The following UBA6 variants were observed in gnomAD, a reference collection of about 807,000 sequenced individuals.
UBA6 encodes ubiquitin-like modifier-activating enzyme 6.
In UBA6, 87 loss-of-function variants were observed where a neutral mutation model predicts 148.3. The ratio of observed to expected loss-of-function variants is 0.59; its 90% CI spans 0.49 to 0.70. The LOEUF (loss-of-function observed/expected upper bound fraction) is 0.70. UBA6 is among the 30% of genes least tolerant of loss of function. The pLI, the probability that UBA6 is intolerant of heterozygous loss-of-function variation, is 0.00. For synonymous variants in UBA6, 376 were observed against 401.0 expected, an observed-to-expected ratio of 0.94 and a Z score of 0.75; for missense variants, 1,186 against 1,241.2, an observed-to-expected ratio of 0.96 and a Z score of 0.67.
At chr4:67,624,332 C>T (rs751817793) in intron 29 of UBA6, 79 bp from the exon 30 acceptor site, 57 of 1,342,434 alleles carry the variant, frequency 4.2e-5, no homozygotes, top group East Asian at 1.2e-4. Context: ...TCAACTTTCA[C>T]GTTTTCAAGC....
At chr4:67,620,596 T>C (rs1237328184) in intron 32 of UBA6, among the ~76,000 whole-genome samples, 1 of 152,076 alleles carries the variant, frequency 6.6e-6, no homozygotes, top group African/African-American at 2.4e-5. Context: ...AGCTGGAATA[T>C]TGTGAGGGCA....
In UBA6 at chr4:67,641,164, G is replaced by A. The variant is rs767635809; in HGVS notation, c.1541C>T (p.Pro514Leu). The stretch of plus-strand genomic sequence containing the variant: ...ATAGCAACATACCTGTATGTGATGA[G>A]GACGAAATAGGAACTGTCTATTTAA... ...SNLNRQFLFR[P>L]HHIQKPKSYT... Residue 514 changes from proline (P) to leucine (L), a missense_variant, in exon 18 of 33, where the codon CCT becomes CTT. Pro to Leu is a moderately conservative substitution (Grantham distance 98). Transcript: ENST00000322244. The A allele has an allele frequency of 1.3e-6, 2 of 1,594,090 alleles. No individual in the cohort carries two copies. Among genetic ancestry groups the A allele is most frequent in the South Asian group, 1.1e-5 (1 of 87,964 alleles).
Position 67,645,935 on chromosome 4 carries a change from T to C in UBA6, c.1395+3A>G. ...TACTATTCCCATGATTATTGATACT[T>C]ACTAAGAAGATGTTTAAATTTTGCA... is the stretch of plus-strand genomic sequence containing the variant. On this transcript the variant is annotated splice_donor_region_variant and intron_variant, in intron 16 of 32. Coordinates refer to ENST00000322244, the MANE Select transcript of UBA6 (RefSeq NM_018227.6). 2 of 1,564,472 alleles carry C rather than the reference T, an allele frequency of 1.3e-6. No homozygotes were observed. The highest frequency in any genetic ancestry group is 1.2e-5 in the South Asian group (1 of 86,274).
chr4:67,663,754 T>C, intron 11 of UBA6, 131 bp downstream of exon 11: 1 of 706,946 alleles, frequency 1.4e-6, no homozygotes, highest in Middle Eastern at 2.4e-4. Flanking sequence ...AGTATAACCT[T>C]TATTATACTC....
chr4:67,671,438 G>T (rs1730145866), intron 7 of UBA6, among the ~76,000 whole-genome samples: 1 of 143,808 alleles, frequency 7.0e-6, no homozygotes, highest in Non-Finnish European at 1.5e-5. Context: ...GATACATATA[G>T]CTTTTTTTTT....
rs752794407 is a variant in UBA6 at position 67,663,154 on chromosome 4, C to A, written c.1022G>T (p.Arg341Leu). ...AAAACATTACCCAACATTTGGCTTG[C>A]GACTGTATTTCTCCTGAAACTGGTC... Reference protein sequence around the residue: ...ALDQFQEKYSRKPNVGCQQDS... With the variant: ...ALDQFQEKYSLKPNVGCQQDS... The change falls in exon 12 of 33, where the codon CGC (arginine) becomes CTC (leucine). Residue 341 changes from arginine to leucine, a missense_variant. Transcript: ENST00000322244. 1 of 1,610,082 alleles carries A rather than the reference C, an allele frequency of 6.2e-7. No individual in the cohort carries two copies. Among genetic ancestry groups the A allele is most frequent in the Non-Finnish European group, 8.5e-7 (1 of 1,178,330 alleles).
chr4:67,637,165 C>T (rs1390998351), intron 19 of UBA6, among the ~76,000 whole-genome samples: 5 of 151,698 alleles, frequency 3.3e-5, no homozygotes, highest in Non-Finnish European at 5.9e-5. Flanking sequence ...GCAGCCGCCC[C>T]GTCCGGGAGG....
In UBA6 at chr4:67,665,290, T is replaced by C; in HGVS notation, c.796A>G (p.Ile266Val). 6.3e-7 allele frequency: 1 copy of C among 1,578,900 alleles called. No homozygotes were observed. Among genetic ancestry groups the C allele is most frequent in the African/African-American group, 1.4e-5 (1 of 72,846 alleles). ...CCAATACTAAAAGAAAATGGCGATA[T>C]CACTAGAAGACAAAAAATTTAAAAA... ...LNGSIQQITV[I>V]SPFSFSIGDT... Residue 266 changes from isoleucine to valine, a missense_variant and splice_region_variant, in exon 10 of 33, where the codon ATA becomes GTA. Transcript: ENST00000322244.
At chr4:67,664,951 T>C (rs1034350694) in intron 10 of UBA6, among the ~76,000 whole-genome samples, 2 of 152,142 alleles carry the variant, frequency 1.3e-5, no homozygotes, top group Non-Finnish European at 2.9e-5. Context: ...AGCTCAACTA[T>C]ATGTATATGG....
chr4:67,627,956 A>G (rs1728909183), intron 27 of UBA6, among the ~76,000 whole-genome samples: 1 of 142,384 alleles, frequency 7.0e-6, no homozygotes, highest in Non-Finnish European at 1.5e-5. Flanking sequence ...TTTTTTTTCA[A>G]TGTATTTGCC....
chr4:67,665,204 A>G lies in UBA6; in HGVS notation c.882T>C (p.Pro294=), dbSNP rs1252480527. The change falls in exon 10 of 33, where the codon CCT becomes CCC. Residue 294 remains proline, a synonymous_variant. Transcript: ENST00000322244. ...HGGIAVQVKT[P]KTVFFESLER... is the part of the protein sequence containing the mutation. Reference sequence around the variant, plus strand: ...AAATACTTACAAAAAAAACTGTTTTAGGAGTCTTAACTTGGACAGCTATGC... The same window carrying G: ...AAATACTTACAAAAAAAACTGTTTTGGGAGTCTTAACTTGGACAGCTATGC... 1.9e-6 allele frequency: 3 copies of G among 1,589,068 alleles called. No individual in the cohort carries two copies. Among genetic ancestry groups the G allele is most frequent in the African/African-American group, 2.7e-5 (2 of 73,402 alleles).
chr4:67,649,875 A>G (rs556945534), intron 13 of UBA6, among the ~76,000 whole-genome samples: 228 of 152,270 alleles, frequency 1.5e-3, no homozygotes, highest in African/African-American at 5.1e-3. Flanking sequence ...TTTAAACATT[A>G]GTAATCTTAA....
At chr4:67,625,502 C>T (rs1419599838) in intron 28 of UBA6, among the ~76,000 whole-genome samples, 1 of 151,668 alleles carries the variant, frequency 6.6e-6, no homozygotes, top group Non-Finnish European at 1.5e-5. Flanking sequence ...TACTGCACAT[C>T]TCCTATCAAG....
intron 25 of UBA6, 133 bp downstream of exon 25, chr4:67,631,575 C>A (rs1577793128): frequency 1.5e-6 from 1 of 677,814 alleles, no homozygotes; most frequent in Non-Finnish European, 2.4e-6. Context: ...GACTTGTTAA[C>A]TCTTAAATGA....
chr4:67,656,542 G>A (rs1729700227), intron 13 of UBA6, among the ~76,000 whole-genome samples: 1 of 152,078 alleles, frequency 6.6e-6, no homozygotes, highest in Admixed American at 6.5e-5. Context: ...AAAATAATAA[G>A]AGCTATTTAT....
chr4:67,645,433 T>C (rs374964651), intron 16 of UBA6, among the ~76,000 whole-genome samples: 1 of 152,098 alleles, frequency 6.6e-6, no homozygotes, highest in Non-Finnish European at 1.5e-5. Context: ...ACTCCGTCTC[T>C]ATTGAAAATA....
intron 20 of UBA6, 49 bp from the exon 21 acceptor site, chr4:67,634,567 A>G (rs1729090962): frequency 2.3e-6 from 3 of 1,299,502 alleles, no homozygotes; most frequent in Non-Finnish European, 3.2e-6. Context: ...GCAATGACCA[A>G]TTTTTATTGA....
At chr4:67,639,267 A>G (rs992450123) in intron 18 of UBA6, 143 bp from the exon 19 acceptor site, 2 of 581,708 alleles carry the variant, frequency 3.4e-6, no homozygotes, top group Middle Eastern at 4.6e-4. Flanking sequence ...ACCAGTTTTC[A>G]TTTTTGGCTT....
chr4:67,641,995 A>T (rs1267135339), intron 17 of UBA6, among the ~76,000 whole-genome samples: 2 of 151,670 alleles, frequency 1.3e-5, no homozygotes, highest in Non-Finnish European at 2.9e-5. Context: ...TTCCACATTC[A>T]TTTTCTTTTA....
Sources: allele counts gnomAD v4.1 joint callset (sites outside exome capture counted in the v4.1 genomes callset), GRCh38; gene constraint gnomAD v4.1.1; transcripts MANE v1.5; gene names NCBI Gene and HGNC (gene_info 2026-07-23, HGNC 2026-07-21).